Variants in SEMA3E observed in about 807,000 individuals in gnomAD.
SEMA3E encodes the protein semaphorin-3E.
A neutral mutation model predicts 93.6 loss-of-function variants in SEMA3E; 49 were observed. The ratio of observed to expected loss-of-function variants is 0.52; its 90% CI spans 0.42 to 0.66. SEMA3E has a LOEUF of 0.66. Ranked by LOEUF, SEMA3E falls within the 30% of genes least tolerant of loss-of-function variation. SEMA3E has a pLI of 0.00. For missense variants in SEMA3E, 906 were observed against 964.8 expected (o/e 0.94, Z 0.81); for synonymous variants, 363 against 330.7 (o/e 1.10, Z -1.06).
chr7:83,491,884 A>T (rs1790392210), intron 1 of SEMA3E, among the ~76,000 whole-genome samples: 1 of 152,122 alleles, frequency 6.6e-6, no homozygotes, highest in South Asian at 2.1e-4. Context: ...AATAAAAAGT[A>T]GAATCATACT....
chr7:83,444,236 T>C (rs1201539192), intron 4 of SEMA3E, among the ~76,000 whole-genome samples: 1 of 152,152 alleles, frequency 6.6e-6, no homozygotes, highest in East Asian at 1.9e-4. Context: ...GCATAGTGAA[T>C]GCATGGACAA....
intron 1 of SEMA3E, among the ~76,000 whole-genome samples, chr7:83,516,431 A>C (rs547630612): frequency 6.6e-6 from 1 of 152,336 alleles, no homozygotes; most frequent in South Asian, 2.1e-4. Context: ...TGGTAAGGGT[A>C]AAGTATTTAG....
intron 1 of SEMA3E, among the ~76,000 whole-genome samples, chr7:83,644,640 TA>T (rs557817970): frequency 1.8e-3 from 277 of 152,006 alleles, no homozygotes; most frequent in Middle Eastern, 3.4e-3. Context: ...GACAATTAAT[TA>T]TCATTATTAT....
intron 1 of SEMA3E, among the ~76,000 whole-genome samples, chr7:83,524,525 G>A (rs779531413): frequency 6.6e-6 from 1 of 152,086 alleles, no homozygotes; most frequent in Non-Finnish European, 1.5e-5. Flanking sequence ...AGCAGGTGGT[G>A]TGTTTTATGA....
Position 83,367,859 on chromosome 7 carries a change from G to A in SEMA3E, c.2055C>T (p.Asp685=), listed in dbSNP as rs534303369. The change falls in exon 17 of 17, where the codon GAC becomes GAT. Residue 685 remains aspartate (D), a synonymous_variant. Coordinates refer to ENST00000643230, the MANE Select transcript of SEMA3E (RefSeq NM_012431.3). ...EEKVEDMFNK[D]DEEDRHHRMP... ...TCCTGTGATGCCTGTCCTCCTCATC[G>A]TCCTTGTTAAACATATCCTCGACTT... 1.4e-5 allele frequency: 22 copies of A among 1,612,654 alleles called. No homozygotes were observed. Among genetic ancestry groups the A allele is most frequent in the African/African-American group, 9.4e-5 (7 of 74,794 alleles).
Position 83,465,365 on chromosome 7 carries a change from T to G in SEMA3E, c.456+1117A>C, listed in dbSNP as rs534624797. Among the ~76,000 whole-genome samples the G allele has an allele frequency of 2.5e-4, 38 of 152,288 alleles. No individual in the cohort carries two copies. The South Asian group carries it at 6.2e-3, about 25-fold the overall frequency. ...CACACAAAGCCTGTTTGGTGGTCTCTTCACACGGATGCACATGAAACTAAT... is the reference window on the plus strand; with the variant it reads ...CACACAAAGCCTGTTTGGTGGTCTCGTCACACGGATGCACATGAAACTAAT... On this transcript the variant is annotated intron_variant, in intron 4 of 16. Transcript: ENST00000643230.
At chr7:83,488,130 T>C (rs1790304605) in intron 2 of SEMA3E, among the ~76,000 whole-genome samples, 1 of 151,868 alleles carries the variant, frequency 6.6e-6, no homozygotes, top group Non-Finnish European at 1.5e-5. Flanking sequence ...GGGGTGGGTG[T>C]GGATGAAATC....
chr7:83,368,209 C>CTG (rs1336086971), intron 16 of SEMA3E, among the ~76,000 whole-genome samples, 171 bp from the exon 17 acceptor site: 305 of 59,088 alleles, frequency 5.2e-3, no homozygotes, highest in African/African-American at 0.012. Context: ...CTCTCTCTCT[C>CTG]TGTGTGTGTG....
At chr7:83,448,399 T>C (rs965658911) in intron 4 of SEMA3E, among the ~76,000 whole-genome samples, 2 of 152,114 alleles carry the variant, frequency 1.3e-5, no homozygotes, top group South Asian at 2.1e-4. Flanking sequence ...ATAAGCCCAG[T>C]GCTTTGGGAG....
rs11980607 is a variant in SEMA3E at position 83,434,026 on chromosome 7, A to G, written c.457-15543T>C. On this transcript the variant is annotated intron_variant, in intron 4 of 16. Transcript: ENST00000643230. ...TTTATGAAGAAATTCATTAGAAACT[A>G]TATTTTTCATATATTAGGTTGGTGC... 4.9e-3 allele frequency among the ~76,000 whole-genome samples: 753 copies of G among 152,208 alleles called. 7 individuals are homozygous for G. The highest frequency in any genetic ancestry group is 0.017 in the African/African-American group (708 of 41,572).
intron 1 of SEMA3E, among the ~76,000 whole-genome samples, chr7:83,547,258 C>G (rs902763964): frequency 6.6e-6 from 1 of 152,080 alleles, no homozygotes; most frequent in Non-Finnish European, 1.5e-5. Context: ...AGCATTTAGG[C>G]AGAGTCAGAC....
At chr7:83,546,924 CAA>C (rs887522634) in intron 1 of SEMA3E, among the ~76,000 whole-genome samples, 10 of 152,006 alleles carry the variant, frequency 6.6e-5, no homozygotes, top group African/African-American at 1.9e-4. Flanking sequence ...CTTGTTTAAA[CAA>C]AAAGTGCATG....
rs558018591 is a variant in SEMA3E at position 83,641,399 on chromosome 7, G to A, written c.115+7029C>T. On this transcript the variant is annotated intron_variant, in intron 1 of 16. Coordinates refer to ENST00000643230, the MANE Select transcript of SEMA3E (RefSeq NM_012431.3). Reference sequence around the variant, plus strand: ...TTTCCAAGTAAACAACACATGCTGAGCTGATAGCTGCCTATAGGACACTGT... The same window carrying A: ...TTTCCAAGTAAACAACACATGCTGAACTGATAGCTGCCTATAGGACACTGT... 1.1e-4 allele frequency: 107 copies of A among 985,354 alleles called. 1 individual carries two copies. The South Asian group carries it at 4.4e-3, about 40-fold the overall frequency. The allele number at this position is 985,354 out of a possible 1,614,324, so 61.0% of individuals were successfully genotyped here. A position where few individuals can be genotyped will look rare whatever the true frequency, so the allele number is the denominator to read the frequency against.
intron 1 of SEMA3E, among the ~76,000 whole-genome samples, chr7:83,639,832 T>A (rs1793967661): frequency 6.6e-6 from 1 of 151,834 alleles, no homozygotes; most frequent in South Asian, 2.1e-4. Flanking sequence ...TACAGCATAC[T>A]ATCTCCTAAT....
At chr7:83,566,162 TA>T (rs1183169019) in intron 1 of SEMA3E, among the ~76,000 whole-genome samples, 8 of 139,620 alleles carry the variant, frequency 5.7e-5, no homozygotes, top group East Asian at 2.1e-4. Context: ...CACACCTGGC[TA>T]TTTTTTTTTT....
intron 2 of SEMA3E, among the ~76,000 whole-genome samples, chr7:83,488,059 G>A (rs773250978): frequency 6.6e-6 from 1 of 151,898 alleles, no homozygotes; most frequent in Non-Finnish European, 1.5e-5. Context: ...CAATATGCAA[G>A]CTGATTCATA....
chr7:83,391,205 G>A (rs1276060486), intron 14 of SEMA3E, among the ~76,000 whole-genome samples: 3 of 152,046 alleles, frequency 2.0e-5, no homozygotes, highest in Non-Finnish European at 4.4e-5. Context: ...TCAAGATTAA[G>A]CTCAAAAGTG....
intron 4 of SEMA3E, among the ~76,000 whole-genome samples, chr7:83,431,885 G>A (rs1022997908): frequency 6.6e-6 from 1 of 151,700 alleles, no homozygotes; most frequent in East Asian, 1.9e-4. Context: ...ATAACAACAA[G>A]GTCTTTTATC....
At chr7:83,504,620 G>T (rs777335548) in intron 1 of SEMA3E, among the ~76,000 whole-genome samples, 1 of 152,138 alleles carries the variant, frequency 6.6e-6, no homozygotes, top group Non-Finnish European at 1.5e-5. Flanking sequence ...TTCACAAAAA[G>T]TTGCCTTAGT....
Sources: allele counts gnomAD v4.1 joint callset (sites outside exome capture counted in the v4.1 genomes callset), GRCh38; gene constraint gnomAD v4.1.1; transcripts MANE v1.5; gene names NCBI Gene and HGNC (gene_info 2026-07-23, HGNC 2026-07-21).